NXNL2: variants seen among roughly 807,000 people sequenced by gnomAD.
NXNL2 encodes nucleoredoxin like 2.
In NXNL2, 7 loss-of-function variants were observed where a neutral mutation model predicts 11.1. That is an observed-to-expected ratio of 0.63 (90% CI 0.36 to 1.18). The LOEUF is 1.18. NXNL2 is among the 50% of genes most tolerant of loss of function. NXNL2 has a pLI of 0.02. For synonymous variants in NXNL2, 109 were observed against 101.8 expected, an observed-to-expected ratio of 1.07 and a Z score of -0.42; for missense variants, 233 against 217.7, an observed-to-expected ratio of 1.07 and a Z score of -0.44.
intron 1 of NXNL2, among the ~76,000 whole-genome samples, chr9:88,540,193 A>G (rs989080477): frequency 6.6e-6 from 1 of 151,898 alleles, no homozygotes; most frequent in Admixed American, 6.6e-5. Flanking sequence ...TTAGCCAGGC[A>G]TGGTGGCGGG....
chr9:88,551,234 G>A (rs554229388), intron 1 of NXNL2, among the ~76,000 whole-genome samples: 114 of 152,240 alleles, frequency 7.5e-4, no homozygotes, highest in African/African-American at 2.7e-3. Flanking sequence ...AAATGTCTCA[G>A]AGTTATTTTT....
At chr9:88,573,222 C>G (rs1830298314) in intron 2 of NXNL2, among the ~76,000 whole-genome samples, 2 of 151,918 alleles carry the variant, frequency 1.3e-5, no homozygotes, top group African/African-American at 4.8e-5. Flanking sequence ...CAGCTCATTG[C>G]AGCCTCTACC....
chr9:88,552,775 G>A (rs1180268837), intron 1 of NXNL2, among the ~76,000 whole-genome samples: 2 of 152,132 alleles, frequency 1.3e-5, no homozygotes, highest in Non-Finnish European at 2.9e-5. Context: ...GGTGAAACAT[G>A]CATTCTTAAC....
At chr9:88,544,224 C>T (rs765495767) in intron 1 of NXNL2, among the ~76,000 whole-genome samples, 155 bp from the exon 2 acceptor site, 8 of 152,056 alleles carry the variant, frequency 5.3e-5, no homozygotes, top group Non-Finnish European at 7.4e-5. Context: ...AGAAAGGAGC[C>T]CCCACCCCAG....
chr9:88,542,494 T>C (rs1829781641), intron 1 of NXNL2, among the ~76,000 whole-genome samples: 1 of 151,920 alleles, frequency 6.6e-6, no homozygotes, highest in South Asian at 2.1e-4. Context: ...TTCACCGTGC[T>C]GGCCAGGCTG....
chr9:88,544,244 G>A (rs1021395828), intron 1 of NXNL2, 135 bp from the exon 2 acceptor site: 40 of 641,876 alleles, frequency 6.2e-5, no homozygotes, highest in African/African-American at 5.2e-4. Context: ...GCAGGAGGGA[G>A]AGCAGGAGCA....
chr9:88,564,071 C>T (rs543269955), intron 1 of NXNL2, among the ~76,000 whole-genome samples: 4 of 151,852 alleles, frequency 2.6e-5, no homozygotes, highest in East Asian at 2.0e-4. Context: ...ATTAGCTGGG[C>T]GTGGTGGCAT....
chr9:88,565,058 T>G (rs1012504078), intron 1 of NXNL2, among the ~76,000 whole-genome samples: 3 of 152,204 alleles, frequency 2.0e-5, no homozygotes, highest in Non-Finnish European at 4.4e-5. Context: ...CATTCTACTC[T>G]ATTCCTGTGA....
At chr9:88,547,515 A>G (rs1230236111), downstream of NXNL2, among the ~76,000 whole-genome samples, 1 of 152,206 alleles carries the variant, frequency 6.6e-6, no homozygotes, top group Non-Finnish European at 1.5e-5. Context: ...ACCAGTCAGG[A>G]GAATTATGCT....
chr9:88,556,144 C>T (rs1830008458), intron 1 of NXNL2, among the ~76,000 whole-genome samples: 1 of 152,198 alleles, frequency 6.6e-6, no homozygotes, highest in African/African-American at 2.4e-5. Flanking sequence ...CCCAGAGGGT[C>T]ACAGCTCTTC....
chr9:88,563,245 T>A (rs1379136615), intron 1 of NXNL2, among the ~76,000 whole-genome samples: 1 of 152,200 alleles, frequency 6.6e-6, no homozygotes, highest in Non-Finnish European at 1.5e-5. Context: ...TGCTCACACA[T>A]ATGTGTGTAC....
chr9:88,558,296 T>C (rs758695561), intron 1 of NXNL2, among the ~76,000 whole-genome samples: 1 of 151,788 alleles, frequency 6.6e-6, no homozygotes, highest in Non-Finnish European at 1.5e-5. Flanking sequence ...GTTTGGGGAG[T>C]TTCTGGCTAG....
rs116540270 is a variant in NXNL2, at chr9:88,544,847, C to A, written c.*300C>A. The A allele has an allele frequency of 1.6e-3, 1,762 of 1,068,330 alleles. 19 individuals carry two copies. The African/African-American group carries it at 0.027, about 16-fold the overall frequency. The allele number at this position is 1,068,330 out of a possible 1,614,324, so 66.2% of individuals were successfully genotyped here. ...TGAGCTGTTGGAAATCTATGCAAGA[C>A]ATTTATTTGTACAAGTCTCTTCAGG... On this transcript the variant is annotated 3_prime_UTR_variant, in exon 2 of 2. Coordinates refer to ENST00000375854, the MANE Select transcript of NXNL2 (RefSeq NM_001161625.2).
At chr9:88,544,272 GGT>G (rs1183726956) in intron 1 of NXNL2, 105 bp from the exon 2 acceptor site, 11 of 934,884 alleles carry the variant, frequency 1.2e-5, no homozygotes, top group Non-Finnish European at 1.3e-5. Context: ...TGGGGCACCT[GGT>G]GGCTTCCTCC....
intron 1 of NXNL2, among the ~76,000 whole-genome samples, chr9:88,564,483 C>G (rs750235648): frequency 1.3e-5 from 2 of 152,078 alleles, no homozygotes; most frequent in Non-Finnish European, 2.9e-5. Flanking sequence ...GTGGCACCAT[C>G]TCAGCTCACT....
chr9:88,550,935 GT>G (rs1288747714), intron 1 of NXNL2, among the ~76,000 whole-genome samples: 1 of 152,138 alleles, frequency 6.6e-6, no homozygotes, highest in Non-Finnish European at 1.5e-5. Context: ...TCACCTTCTT[GT>G]TTTCTAGGTT....
At chr9:88,571,672 T>C (rs962734777) in intron 2 of NXNL2, among the ~76,000 whole-genome samples, 25 of 152,302 alleles carry the variant, frequency 1.6e-4, no homozygotes, top group African/African-American at 6.0e-4. Flanking sequence ...TTAAACTAAA[T>C]GGCAAGTTCC....
downstream of NXNL2, among the ~76,000 whole-genome samples, chr9:88,549,621 G>A (rs895867459): frequency 6.6e-6 from 1 of 152,156 alleles, no homozygotes; most frequent in Admixed American, 6.5e-5. Context: ...CTGGCCCTGT[G>A]AGTGGTTACT....
intron 1 of NXNL2, among the ~76,000 whole-genome samples, chr9:88,552,761 G>A (rs776156094): frequency 7.2e-5 from 11 of 152,112 alleles, no homozygotes; most frequent in Non-Finnish European, 1.6e-4. Flanking sequence ...GAGCCACCGC[G>A]CCCGGTGAAA....
Sources: allele counts gnomAD v4.1 joint callset (sites outside exome capture counted in the v4.1 genomes callset), GRCh38; gene constraint gnomAD v4.1.1; transcripts MANE v1.5; gene names NCBI Gene and HGNC (gene_info 2026-07-23, HGNC 2026-07-21).